The following COLQ variants were observed in gnomAD, a reference collection of about 807,000 sequenced individuals.
The protein encoded by COLQ is acetylcholinesterase collagenic tail peptide.
A neutral mutation model predicts 69.0 loss-of-function variants in COLQ; 48 were observed. The observed-to-expected ratio is 0.70, with a 90% CI of 0.55 to 0.88. COLQ has a LOEUF of 0.88. Ranked by LOEUF, COLQ falls within the 40% of genes least tolerant of loss-of-function variation. The probability of loss-of-function intolerance (pLI) is 0.00; values close to 1 mark genes in which losing one functional copy is unlikely to be tolerated. For synonymous variants in COLQ, 217 were observed against 211.2 expected, an observed-to-expected ratio of 1.03 and a Z score of -0.24; for missense variants, 618 against 594.6, an observed-to-expected ratio of 1.04 and a Z score of -0.41.
chr3:15,507,470 G>A (rs1001078751), intron 1 of COLQ, among the ~76,000 whole-genome samples: 4 of 152,070 alleles, frequency 2.6e-5, no homozygotes, highest in Admixed American at 2.6e-4. Flanking sequence ...TACTTGATAG[G>A]TGAAAAGTGG....
chr3:15,519,839 T>C (rs2063111676), intron 1 of COLQ, among the ~76,000 whole-genome samples: 1 of 152,226 alleles, frequency 6.6e-6, no homozygotes, highest in Non-Finnish European at 1.5e-5. Context: ...AATTAAGTAA[T>C]ACAAAATGAT....
chr3:15,510,713 G>T (rs1189825839), intron 1 of COLQ, among the ~76,000 whole-genome samples: 3 of 134,784 alleles, frequency 2.2e-5, no homozygotes, highest in Non-Finnish European at 3.2e-5. Context: ...GAGGGAAGGG[G>T]ACAGGATGGG....
intron 11 of COLQ, among the ~76,000 whole-genome samples, chr3:15,466,645 G>C (rs2062204951): frequency 9.0e-6 from 1 of 110,908 alleles, no homozygotes; most frequent in Admixed American, 9.7e-5. Flanking sequence ...GTAGACCTTA[G>C]TTCTTGCTCT....
At chr3:15,515,495 AC>A (rs1476497427) in intron 1 of COLQ, among the ~76,000 whole-genome samples, 1 of 152,212 alleles carries the variant, frequency 6.6e-6, no homozygotes, top group Non-Finnish European at 1.5e-5. Flanking sequence ...TACAAGTGGT[AC>A]TTCTGACTGA....
intron 13 of COLQ, 51 bp downstream of exon 13, chr3:15,458,135 G>A: frequency 1.9e-6 from 3 of 1,604,878 alleles, no homozygotes; most frequent in Non-Finnish European, 2.6e-6. Flanking sequence ...TAAGGATCAG[G>A]TGAGAGGTCC....
rs2062427189 is a variant in COLQ at position 15,478,900 on chromosome 3, C to T, written c.393+77G>A. On this transcript the variant is annotated intron_variant, in intron 5 of 16. Transcript: ENST00000383788. ...TGACCACTGAAGTGCATTGCTGTTC[C>T]CCCCTCCCTAGGAGTGCATGCACAC... 1.5e-5 allele frequency: 23 copies of T among 1,565,880 alleles called. No individual in the cohort carries two copies. The South Asian group carries it at 2.4e-4, about 17-fold the overall frequency.
chr3:15,451,615 G>C lies in COLQ; in HGVS notation c.*29C>G. 2 of 1,609,292 alleles carry C rather than the reference G, an allele frequency of 1.2e-6. No homozygotes were observed. Among genetic ancestry groups the C allele is most frequent in the Non-Finnish European group, 1.7e-6 (2 of 1,175,550 alleles). ...TGGAGAAGCTGCTGCCAGTTCTGTGGGGCGCAGCCCACCTTCTCCTCACGG... is the reference window on the plus strand; with the variant it reads ...TGGAGAAGCTGCTGCCAGTTCTGTGCGGCGCAGCCCACCTTCTCCTCACGG... On this transcript the variant is annotated 3_prime_UTR_variant, in exon 17 of 17. Transcript: ENST00000383788.
intron 12 of COLQ, among the ~76,000 whole-genome samples, chr3:15,459,435 A>C (rs2062073594): frequency 6.8e-6 from 1 of 147,710 alleles, no homozygotes. Flanking sequence ...ACTTTTATTT[A>C]TTTATTAAAA....
chr3:15,494,627 C>T (rs187027853), intron 1 of COLQ, among the ~76,000 whole-genome samples: 1 of 152,132 alleles, frequency 6.6e-6, no homozygotes, highest in Non-Finnish European at 1.5e-5. Context: ...CTCCCACAAG[C>T]AGCCTCCACT....
At position 15,486,272 on chromosome 3, in the gene COLQ, G is replaced by A. The variant is rs57252399; in HGVS notation, c.321+1934C>T. Among the ~76,000 whole-genome samples the A allele has an allele frequency of 3.9e-3, 593 of 152,326 alleles. 7 individuals carry two copies. Among genetic ancestry groups the A allele is most frequent in the African/African-American group, 0.013 (550 of 41,570 alleles). On this transcript the variant is annotated intron_variant, in intron 3 of 16. Transcript: ENST00000383788. ...TGACCCACTCCGTTCACTTGGTGGA[G>A]GGGTGGTATCTTGTTAGAATGCAGA... is the stretch of plus-strand genomic sequence containing the variant.
At chr3:15,467,350 A>C (rs1466610112) in intron 11 of COLQ, among the ~76,000 whole-genome samples, 3 of 152,232 alleles carry the variant, frequency 2.0e-5, no homozygotes, top group Non-Finnish European at 4.4e-5. Context: ...ATTTACACCC[A>C]CATAGGTCTG....
In COLQ at chr3:15,458,236, G is replaced by C. The variant is rs751621776; in HGVS notation, c.904C>G (p.Pro302Ala). 6.2e-7 allele frequency: 1 copy of C among 1,614,058 alleles called. No individual in the cohort carries two copies. Among genetic ancestry groups the C allele is most frequent in the Non-Finnish European group, 8.5e-7 (1 of 1,179,988 alleles). Residue 302 changes from proline (P) to alanine (A), a missense_variant, in exon 13 of 17, where the codon CCT (proline) becomes GCT (alanine). By Grantham distance (27) the Pro-to-Ala change is conservative (BLOSUM62 -1). Coordinates refer to ENST00000383788, the MANE Select transcript of COLQ (RefSeq NM_005677.4). ...CCATACACAGATTCCCCGTAGGAAG[G>C]GTTATTCACATTCATAGTGGGTCCA... The part of the protein sequence containing the change: ...LCGPTMNVNN[P>A]SYGESVYGPS...
At chr3:15,521,471 C>T (rs999234995) in intron 1 of COLQ, 49 bp downstream of exon 1, 2 of 1,611,190 alleles carry the variant, frequency 1.2e-6, no homozygotes, top group Non-Finnish European at 1.7e-6. Context: ...TCCTTCCTCC[C>T]CCTGTCCCCT....
At chr3:15,510,735 T>TGGGAGGGGACAGGAG (rs2062973633) in intron 1 of COLQ, among the ~76,000 whole-genome samples, 1 of 69,852 alleles carries the variant, frequency 1.4e-5, no homozygotes, top group Non-Finnish European at 2.6e-5. Flanking sequence ...GGGGACAGGA[T>TGGGAGGGGACAGGAG]GGGAGGGGAC....
intron 1 of COLQ, among the ~76,000 whole-genome samples, chr3:15,496,009 CACCATTATTTTTCCAG>C (rs1321730346): frequency 1.3e-5 from 2 of 152,236 alleles, no homozygotes; most frequent in African/African-American, 2.4e-5. Flanking sequence ...ATGCACTCAT[CACCATTATTTTTCCAG>C]ACCATATATG....
intron 13 of COLQ, 60 bp downstream of exon 13, chr3:15,458,126 A>T: frequency 1.9e-6 from 3 of 1,587,890 alleles, no homozygotes; most frequent in Non-Finnish European, 2.6e-6. Flanking sequence ...AAAGCCCCAT[A>T]AGGATCAGGT....
intron 11 of COLQ, among the ~76,000 whole-genome samples, chr3:15,466,865 T>C (rs962810677): frequency 1.3e-5 from 2 of 152,208 alleles, no homozygotes; most frequent in Non-Finnish European, 2.9e-5. Flanking sequence ...CTTTTTGGTC[T>C]TCAAGGGCAC....
At position 15,521,676 on chromosome 3, in the gene COLQ, C is replaced by T; in HGVS notation, c.-51G>A. On this transcript the variant is annotated 5_prime_UTR_variant, in exon 1 of 17. Coordinates refer to ENST00000383788, the MANE Select transcript of COLQ (RefSeq NM_005677.4). Reference sequence around the variant, plus strand: ...AGTTAGAAAGGAGGCTGCTGCGGAGCCTTGCTTATCTCTGCTTTTCTCTTC... The same window carrying T: ...AGTTAGAAAGGAGGCTGCTGCGGAGTCTTGCTTATCTCTGCTTTTCTCTTC... 6.2e-7 allele frequency: 1 copy of T among 1,610,636 alleles called. No homozygotes were observed. Among genetic ancestry groups the T allele is most frequent in the Non-Finnish European group, 8.5e-7 (1 of 1,178,712 alleles).
At chr3:15,459,791 T>TGTA (rs2062079869) in intron 12 of COLQ, among the ~76,000 whole-genome samples, 1 of 149,994 alleles carries the variant, frequency 6.7e-6, no homozygotes. Flanking sequence ...GCACCCATAT[T>TGTA]TTATTATTAT....
Sources: gnomAD v4.1 joint callset for allele counts (sites outside exome capture counted in the v4.1 genomes callset) on GRCh38, gnomAD v4.1.1 for gene constraint, MANE v1.5 for transcripts, NCBI Gene and HGNC (gene_info 2026-07-23, HGNC 2026-07-21) for gene names.